Variants in LCLAT1 observed in about 807,000 individuals in gnomAD.
LCLAT1 encodes the protein lysocardiolipin acyltransferase 1.
LCLAT1 carries 11 observed loss-of-function variants against 30.7 expected under a neutral mutation model. The ratio of observed to expected loss-of-function variants is 0.36; its 90% CI spans 0.23 to 0.59. LCLAT1 has a LOEUF of 0.59. Ranked by LOEUF, LCLAT1 falls within the 20% of genes least tolerant of loss-of-function variation. The probability of loss-of-function intolerance (pLI) is 0.77; values close to 1 mark genes in which losing one functional copy is unlikely to be tolerated. For synonymous variants in LCLAT1, 155 were observed against 151.3 expected, an observed-to-expected ratio of 1.02 and a Z score of -0.18; for missense variants, 402 against 458.6, an observed-to-expected ratio of 0.88 and a Z score of 1.13.
chr2:30,607,648 G>A (rs575421360), intron 5 of LCLAT1: 1 of 152,246 alleles, frequency 6.6e-6, no homozygotes, highest in Non-Finnish European at 1.5e-5. Flanking sequence ...TGTTACTTGA[G>A]TGTATTCCTT....
intron 3 of LCLAT1, among the ~76,000 whole-genome samples, chr2:30,551,607 T>G (rs1420730538): frequency 1.3e-5 from 2 of 152,192 alleles, no homozygotes; most frequent in Non-Finnish European, 2.9e-5. Context: ...TTTAGAGGTT[T>G]GATGTGGGTT....
intron 1 of LCLAT1, among the ~76,000 whole-genome samples, chr2:30,472,584 C>T (rs1682853279): frequency 6.6e-6 from 1 of 152,140 alleles, no homozygotes; most frequent in South Asian, 2.1e-4. Flanking sequence ...TCAGAATGCA[C>T]ATTATTCTTG....
At chr2:30,557,301 T>TGTGTGTGTGTGC (rs1403624131) in intron 3 of LCLAT1, among the ~76,000 whole-genome samples, 2 of 151,228 alleles carry the variant, frequency 1.3e-5, no homozygotes, top group African/African-American at 4.9e-5. Context: ...TGTGTGTGTG[T>TGTGTGTGTGTGC]GTGTGTGTGT....
chr2:30,459,689 C>T lies in LCLAT1; in HGVS notation c.-5+12306C>T, dbSNP rs542596193. Reference sequence around the variant, plus strand: ...AACGAGGCAGTTTCTAGCTACTGCACGTACTTCATAAAGCAGGACTCTAAA... The same window carrying T: ...AACGAGGCAGTTTCTAGCTACTGCATGTACTTCATAAAGCAGGACTCTAAA... On this transcript the variant is annotated intron_variant, in intron 1 of 5. Transcript: ENST00000379509. 1.4e-5 allele frequency: 22 copies of T among 1,613,930 alleles called. No homozygotes were observed. The highest frequency in any genetic ancestry group is 6.7e-5 in the East Asian group (3 of 44,868).
chr2:30,622,015 T>A (rs1572708557), intron 5 of LCLAT1, among the ~76,000 whole-genome samples: 1 of 152,252 alleles, frequency 6.6e-6, no homozygotes, highest in South Asian at 2.1e-4. Context: ...AGGGGGGTTG[T>A]AGCCTGGGGC....
intron 5 of LCLAT1, among the ~76,000 whole-genome samples, chr2:30,604,194 G>A (rs543916274): frequency 6.6e-6 from 1 of 152,234 alleles, no homozygotes; most frequent in Non-Finnish European, 1.5e-5. Context: ...TGACCCTTCA[G>A]CCCCCTCTTC....
chr2:30,559,509 TG>T (rs1216047145), intron 3 of LCLAT1, among the ~76,000 whole-genome samples: 1 of 152,242 alleles, frequency 6.6e-6, no homozygotes, highest in Admixed American at 6.5e-5. Flanking sequence ...ATTTAATCAT[TG>T]TTGCTTCATA....
intron 2 of LCLAT1, among the ~76,000 whole-genome samples, chr2:30,530,420 A>G (rs1685927478): frequency 6.6e-6 from 1 of 152,212 alleles, no homozygotes; most frequent in Non-Finnish European, 1.5e-5. Flanking sequence ...ACAACCAATT[A>G]ATGTGGACTT....
chr2:30,513,831 G>A (rs1372731664), intron 1 of LCLAT1, among the ~76,000 whole-genome samples: 4 of 152,268 alleles, frequency 2.6e-5, no homozygotes, highest in African/African-American at 9.6e-5. Flanking sequence ...TCCCTGCTTC[G>A]AGTTGTCCCG....
intron 1 of LCLAT1, among the ~76,000 whole-genome samples, chr2:30,465,978 A>T (rs932063445): frequency 6.6e-6 from 1 of 151,444 alleles, no homozygotes; most frequent in Non-Finnish European, 1.5e-5. Flanking sequence ...TTTTTTTCTG[A>T]TTTTTTTTAC....
chr2:30,575,655 T>C (rs1254634507), intron 5 of LCLAT1, among the ~76,000 whole-genome samples: 3 of 152,186 alleles, frequency 2.0e-5, no homozygotes, highest in Non-Finnish European at 4.4e-5. Context: ...ACATTTTTTT[T>C]CTAGATTATG....
rs571381058 is a variant in LCLAT1, at chr2:30,587,766, C to CT, written c.628+19600dup. On this transcript the variant is annotated intron_variant, in intron 5 of 5. Coordinates refer to ENST00000379509, the MANE Select transcript of LCLAT1 (RefSeq NM_001002257.3). Reference sequence around the variant, plus strand: ...TGAATAACTCATTTGTTTATGGTACCTTTTTTTTTTAAGAGCTGTCCTCTT... The same window carrying CT: ...TGAATAACTCATTTGTTTATGGTACCTTTTTTTTTTTAAGAGCTGTCCTCTT... 4.2e-4 allele frequency among the ~76,000 whole-genome samples: 62 copies of CT among 147,944 alleles called. No individual in the cohort carries two copies. The South Asian group carries it at 8.6e-3, about 20-fold the overall frequency.
At chr2:30,588,683 C>G (rs534029159) in intron 5 of LCLAT1, among the ~76,000 whole-genome samples, 3 of 152,304 alleles carry the variant, frequency 2.0e-5, no homozygotes, top group African/African-American at 7.2e-5. Flanking sequence ...TCACTGCAAC[C>G]TCCGTCTCCC....
rs1468002360 is a variant in LCLAT1 at position 30,534,218 on chromosome 2, A to ACT, written c.364+905_364+906dup. 5.0e-5 allele frequency among the ~76,000 whole-genome samples: 5 copies of ACT among 100,078 alleles called. No individual in the cohort carries two copies. In the East Asian group the frequency reaches 9.1e-4, roughly 18 times the overall value. 65.7% of individuals were successfully genotyped at this position (100,078 alleles called of 152,430 possible). On this transcript the variant is annotated intron_variant, in intron 3 of 5. Transcript: ENST00000379509. ...TAGCAAGGGTGTTTGTAGTTGATTTACTGTGTGTGTGTGTGTGTGTGTGTG... is the reference window on the plus strand; with the variant it reads ...TAGCAAGGGTGTTTGTAGTTGATTTACTCTGTGTGTGTGTGTGTGTGTGTGTG...
At chr2:30,557,107 A>G (rs1220416118) in intron 3 of LCLAT1, among the ~76,000 whole-genome samples, 2 of 152,016 alleles carry the variant, frequency 1.3e-5, no homozygotes, top group Non-Finnish European at 2.9e-5. Flanking sequence ...TTTTCTACTA[A>G]CTCATTGTAT....
At chr2:30,577,892 A>T (rs548037618) in intron 5 of LCLAT1, among the ~76,000 whole-genome samples, 15 of 152,106 alleles carry the variant, frequency 9.9e-5, no homozygotes, top group Non-Finnish European at 1.9e-4. Context: ...ACTAAGAAAT[A>T]TCTGAGTATT....
intron 5 of LCLAT1, among the ~76,000 whole-genome samples, chr2:30,627,627 A>G (rs1262658829): frequency 3.9e-5 from 6 of 152,188 alleles, no homozygotes; most frequent in Non-Finnish European, 7.3e-5. Flanking sequence ...TTGTTCAGTT[A>G]TGGTAGAAAT....
chr2:30,466,916 A>G (rs13430622), intron 1 of LCLAT1, among the ~76,000 whole-genome samples: 19,290 of 152,296 alleles, frequency 0.13, 1,360 homozygotes, highest in South Asian at 0.23. Flanking sequence ...TATAATCAGA[A>G]GCTTGCCCTG....
intron 5 of LCLAT1, among the ~76,000 whole-genome samples, chr2:30,575,406 A>G (rs1665951954): frequency 6.6e-6 from 1 of 152,172 alleles, no homozygotes; most frequent in Non-Finnish European, 1.5e-5. Context: ...AAATTTTTAA[A>G]GATGACCTAA....
Sources: gnomAD v4.1 joint callset for allele counts (sites outside exome capture counted in the v4.1 genomes callset) on GRCh38, gnomAD v4.1.1 for gene constraint, MANE v1.5 for transcripts, NCBI Gene and HGNC (gene_info 2026-07-23, HGNC 2026-07-21) for gene names.